The following BTK variants were observed in gnomAD, a reference collection of about 807,000 sequenced individuals.
BTK encodes Bruton tyrosine kinase, also known as tyrosine-protein kinase BTK.
In BTK, 5 loss-of-function variants were observed where a neutral mutation model predicts 57.4. The observed-to-expected ratio is 0.09, with a 90% CI of 0.05 to 0.18. The LOEUF (loss-of-function observed/expected upper bound fraction) is 0.18. BTK is among the 10% of genes least tolerant of loss of function. BTK has a pLI of 1.00. For missense variants in BTK, 194 were observed against 501.2 expected (o/e 0.39, Z 5.85); for synonymous variants, 154 against 174.3 (o/e 0.88, Z 0.92).
At chrX:101,380,133 G>T (rs1391557907) in intron 1 of BTK, among the ~76,000 whole-genome samples, 1 of 110,997 alleles carries the variant, frequency 9.0e-6, no homozygotes, top group Non-Finnish European at 1.9e-5. Flanking sequence ...TTGAGACAGG[G>T]TCTCACTCTG....
upstream of BTK, chrX:101,390,543 T>C (rs1555983096): frequency 1.9e-6 from 1 of 515,620 alleles, no homozygotes; most frequent in South Asian, 2.5e-5. Flanking sequence ...ATGGACCAAC[T>C]GGCCATGTGA....
At position 101,362,260 on chromosome X, in the gene BTK, T is replaced by C. The variant is rs1555978810; in HGVS notation, c.521-20A>G. The C allele has an allele frequency of 8.3e-7, 1 of 1,207,294 alleles. No homozygotes were observed. Among genetic ancestry groups the C allele is most frequent in the East Asian group, 3.0e-5 (1 of 33,827 alleles). On this transcript the variant is annotated intron_variant, in intron 6 of 18. Transcript: ENST00000308731. ...TTAAGCCTGCAAAACAAGAAGCCAGTGATGATATGGAATGCACTTTAGGAA... is the reference window on the plus strand; with the variant it reads ...TTAAGCCTGCAAAACAAGAAGCCAGCGATGATATGGAATGCACTTTAGGAA...
At chrX:101,370,166 T>G (rs1022281944) in intron 4 of BTK, 87 bp from the exon 5 acceptor site, 3 of 748,286 alleles carry the variant, frequency 4.0e-6, no homozygotes, top group Non-Finnish European at 6.3e-6. Context: ...GGGGACAATT[T>G]GTATATTTAT....
chrX:101,358,472 A>G (rs1555978156), intron 11 of BTK, 35 bp from the exon 12 acceptor site: 1 of 1,210,369 alleles, frequency 8.3e-7, no homozygotes, highest in South Asian at 1.8e-5. Flanking sequence ...TAACTTGGGC[A>G]CAAAGGTCAA....
chrX:101,377,500 G>A (rs1555981206), intron 1 of BTK, among the ~76,000 whole-genome samples: 2 of 111,302 alleles, frequency 1.8e-5, no homozygotes, highest in Non-Finnish European at 3.8e-5. Flanking sequence ...TCTCTTAGCC[G>A]AATAAATCGC....
intron 14 of BTK, 88 bp from the exon 15 acceptor site, chrX:101,356,356 G>C (rs1473342697): frequency 2.6e-6 from 2 of 778,788 alleles, no homozygotes; most frequent in Non-Finnish European, 3.8e-6. Context: ...TGACCTAGGA[G>C]TAGAGCATCA....
chrX:101,350,087 A>G, intron 18 of BTK, 131 bp from the exon 19 acceptor site: 1 of 422,542 alleles, frequency 2.4e-6, no homozygotes, highest in South Asian at 4.0e-5. Context: ...CGATTACAAA[A>G]GGAAAAAAAA....
chrX:101,386,872 TC>T (rs1179513069), upstream of BTK, among the ~76,000 whole-genome samples: 1 of 112,037 alleles, frequency 8.9e-6, no homozygotes, highest in Non-Finnish European at 1.9e-5. Flanking sequence ...TTCTCTTGAG[TC>T]CTGTAAACCG....
intron 1 of BTK, among the ~76,000 whole-genome samples, chrX:101,381,900 CGCG>C (rs1927442630): frequency 9.2e-6 from 1 of 108,668 alleles, no homozygotes; most frequent in African/African-American, 3.4e-5. Flanking sequence ...GGCGTGGTGG[CGCG>C]CACCTGTAAT....
At chrX:101,375,041 A>T in intron 2 of BTK, 103 bp downstream of exon 2, 1 of 992,086 alleles carries the variant, frequency 1.0e-6, no homozygotes, top group Non-Finnish European at 1.4e-6. Context: ...GGTCCATTCT[A>T]CTCCCCTCCT....
rs141567416 is a variant in BTK, at chrX:101,362,684, G to A, written c.397C>T (p.Arg133Trp). The change falls in exon 6 of 19, where the codon CGG becomes TGG. Residue 133 changes from arginine to tryptophan, a missense_variant. By Grantham distance (101) the Arg-to-Trp change is moderately radical (BLOSUM62 -3). Transcript: ENST00000308731. ...TTCTGAACCAGATCACTGTTGTACC[G>A]GATTACTGTAGCAGGAAAGAAGAGA... ...RWIHQLKNVI[R>W]YNSDLVQKYH... 1.2e-5 allele frequency: 14 copies of A among 1,210,323 alleles called. No individual in the cohort carries two copies. In the African/African-American group the frequency reaches 2.1e-4, roughly 18 times the overall value.
At chrX:101,371,498 C>T in intron 4 of BTK, 135 bp downstream of exon 4, 1 of 577,733 alleles carries the variant, frequency 1.7e-6, no homozygotes, top group East Asian at 3.3e-5. Flanking sequence ...AGTCTCATTT[C>T]TTGGTTCAGC....
Position 101,363,713 on chromosome X carries a change from A to C in BTK, c.392-1024T>G, listed in dbSNP as rs782540853. 3.7e-5 allele frequency among the ~76,000 whole-genome samples: 4 copies of C among 108,012 alleles called. No homozygotes were observed. In the South Asian group the frequency reaches 1.2e-3, roughly 32 times the overall value. The allele number at this position is 108,012 out of a possible 115,157, so 93.8% of individuals were successfully genotyped here. On this transcript the variant is annotated intron_variant, in intron 5 of 18. Coordinates refer to ENST00000308731, the MANE Select transcript of BTK (RefSeq NM_000061.3). Reference sequence around the variant, plus strand: ...AGTGTGAGACTCTGTCTCAACAAAAAAAAAAAAAAAGAAAAGTCATCCAGG... The same window carrying C: ...AGTGTGAGACTCTGTCTCAACAAAACAAAAAAAAAAGAAAAGTCATCCAGG...
chrX:101,376,496 G>A (rs781849823), intron 1 of BTK, among the ~76,000 whole-genome samples: 3 of 111,221 alleles, frequency 2.7e-5, no homozygotes, highest in Admixed American at 9.6e-5. Context: ...GCGTAGTGGT[G>A]GATGCCTGTA....
At chrX:101,362,433 C>T in intron 6 of BTK, 128 bp downstream of exon 6, 1 of 1,072,220 alleles carries the variant, frequency 9.3e-7, no homozygotes, top group Admixed American at 2.2e-5. Context: ...CCTCCTCCCT[C>T]CCCCAGGACC....
At chrX:101,390,409 T>C, upstream of BTK, 1 of 503,232 alleles carries the variant, frequency 2.0e-6, no homozygotes, top group Non-Finnish European at 3.6e-6. Context: ...TTAATGCCAA[T>C]CATTGTTCCT....
intron 10 of BTK, among the ~76,000 whole-genome samples, chrX:101,359,070 G>A (rs1010759396): frequency 2.7e-5 from 3 of 111,848 alleles, no homozygotes; most frequent in Admixed American, 9.5e-5. Flanking sequence ...CCCAGAAGGC[G>A]GAGGTTGCAG....
chrX:101,362,957 G>A (rs782539906), intron 5 of BTK: 1 of 392,611 alleles, frequency 2.5e-6, no homozygotes, highest in African/African-American at 2.5e-5. Flanking sequence ...CTGATGGCTT[G>A]AGAGCCCAAC....
intron 5 of BTK, 92 bp downstream of exon 5, chrX:101,369,906 C>T (rs1926970751): frequency 2.4e-6 from 2 of 828,820 alleles, no homozygotes; most frequent in Non-Finnish European, 1.7e-6. Context: ...TTTCTCGTTT[C>T]TCTCTTCCTT....
Sources: allele counts gnomAD v4.1 joint callset (sites outside exome capture counted in the v4.1 genomes callset), GRCh38; gene constraint gnomAD v4.1.1; transcripts MANE v1.5; gene names NCBI Gene and HGNC (gene_info 2026-07-23, HGNC 2026-07-21).